Variants in SLC39A11 observed in about 807,000 individuals in gnomAD.
SLC39A11 encodes the protein zinc transporter ZIP11.
SLC39A11 carries 33 observed loss-of-function variants against 36.1 expected under a neutral mutation model. The observed-to-expected ratio is 0.91, with a 90% confidence interval of 0.69 to 1.22. The LOEUF is 1.22. Among genes scored for constraint, SLC39A11 ranks in the 50% most tolerant of loss-of-function variants. The pLI is 0.00. For synonymous variants in SLC39A11, 166 were observed against 170.3 expected, an observed-to-expected ratio of 0.97 and a Z score of 0.20; for missense variants, 432 against 430.3, an observed-to-expected ratio of 1.00 and a Z score of -0.03.
intron 5 of SLC39A11, among the ~76,000 whole-genome samples, chr17:72,851,585 T>A (rs1031135409): frequency 6.6e-6 from 1 of 152,224 alleles, no homozygotes; most frequent in Non-Finnish European, 1.5e-5. Flanking sequence ...ACTTAGTATG[T>A]ATACAAATGA....
At chr17:72,727,953 C>T (rs1306291245) in intron 7 of SLC39A11, among the ~76,000 whole-genome samples, 3 of 152,236 alleles carry the variant, frequency 2.0e-5, no homozygotes, top group Non-Finnish European at 2.9e-5. Flanking sequence ...GAACTGAAGA[C>T]AGTGCCTTCT....
In SLC39A11 at chr17:72,963,931, C is replaced by A. The variant is rs141262827; in HGVS notation, c.307-16056G>T. 1.5e-3 allele frequency among the ~76,000 whole-genome samples: 222 copies of A among 152,268 alleles called. 1 individual carries two copies. The highest frequency in any genetic ancestry group is 5.0e-3 in the African/African-American group (207 of 41,546). Reference sequence around the variant, plus strand: ...AAATAACAACTACATGATAATGAATCCAGCCTAGATTATATTCATCCTTAT... The same window carrying A: ...AAATAACAACTACATGATAATGAATACAGCCTAGATTATATTCATCCTTAT... On this transcript the variant is annotated intron_variant, in intron 4 of 9. Transcript: ENST00000255559.
At position 72,756,041 on chromosome 17, in the gene SLC39A11, A is replaced by C. The variant is rs111429651; in HGVS notation, c.602-19322T>G. ...TAGGATGTCTACTCTCGAGAAAACA[A>C]AAACATAACAGTGTTGGCAAGGATG... On this transcript the variant is annotated intron_variant, in intron 6 of 9. Transcript: ENST00000255559. Among the ~76,000 whole-genome samples the C allele has an allele frequency of 7.3e-3, 1,116 of 152,354 alleles. 14 individuals are homozygous for C. The highest frequency in any genetic ancestry group is 0.025 in the African/African-American group (1,046 of 41,572).
At chr17:73,055,580 T>C (rs969303746) in intron 3 of SLC39A11, among the ~76,000 whole-genome samples, 17 of 151,890 alleles carry the variant, frequency 1.1e-4, no homozygotes, top group African/African-American at 2.9e-4. Context: ...GACAGGCACA[T>C]TGCCACCATG....
intron 3 of SLC39A11, among the ~76,000 whole-genome samples, chr17:73,066,849 C>T (rs186421057): frequency 2.6e-5 from 4 of 152,252 alleles, no homozygotes; most frequent in African/African-American, 7.2e-5. Flanking sequence ...TAGACCAATA[C>T]ATTTTATTTC....
intron 7 of SLC39A11, among the ~76,000 whole-genome samples, chr17:72,684,147 T>TGATTATCC (rs1447554966): frequency 5.3e-5 from 8 of 152,150 alleles, no homozygotes; most frequent in Non-Finnish European, 1.2e-4. Flanking sequence ...CAGTTTACGA[T>TGATTATCC]GATTATCCGT....
intron 3 of SLC39A11, among the ~76,000 whole-genome samples, chr17:73,067,257 AG>A (rs1433553237): frequency 4.6e-5 from 7 of 152,216 alleles, no homozygotes; most frequent in Admixed American, 3.9e-4. Flanking sequence ...CAGCTACCTT[AG>A]GTCATATGAA....
In SLC39A11 at chr17:72,871,625, T is replaced by C. The variant is rs527959447; in HGVS notation, c.431-21821A>G. 5.9e-5 allele frequency among the ~76,000 whole-genome samples: 9 copies of C among 152,206 alleles called. No individual in the cohort carries two copies. In the East Asian group the frequency reaches 1.5e-3, roughly 26 times the overall value. On this transcript the variant is annotated intron_variant, in intron 5 of 9. Transcript: ENST00000255559. ...CCCAGAAGGACGGGGTTCAGAGAGTTTCCTGGTGGCTGGACATGTGGGGTG... is the reference window on the plus strand; with the variant it reads ...CCCAGAAGGACGGGGTTCAGAGAGTCTCCTGGTGGCTGGACATGTGGGGTG...
At position 72,942,306 on chromosome 17, in the gene SLC39A11, G is replaced by A. The variant is rs529120070; in HGVS notation, c.430+5446C>T. Among the ~76,000 whole-genome samples the A allele has an allele frequency of 2.0e-5, 3 of 152,132 alleles. No homozygotes were observed. The East Asian group carries it at 5.8e-4, about 29-fold the overall frequency. On this transcript the variant is annotated intron_variant, in intron 5 of 9. Transcript: ENST00000255559. The stretch of plus-strand genomic sequence containing the variant: ...AATTGGGCCAGGACAAGATTTTAAA[G>A]TCTCCCCTAACCAAGCAGGTACAGG...
chr17:73,088,749 T>C lies in SLC39A11; in HGVS notation c.16A>G (p.Ser6Gly), dbSNP rs1399681801. MLQGH[S>G]SVFQALLGTF... Reference sequence around the variant, plus strand: ...CCCAGCAAGGCCTGGAACACAGAGCTGTGGCCTTGGAGCATGCTGGATACA... The same window carrying C: ...CCCAGCAAGGCCTGGAACACAGAGCCGTGGCCTTGGAGCATGCTGGATACA... Residue 6 changes from serine to glycine, a missense_variant, in exon 2 of 10, where the codon AGC becomes GGC. Coordinates refer to ENST00000255559, the MANE Select transcript of SLC39A11 (RefSeq NM_139177.4). 6.2e-7 allele frequency: 1 copy of C among 1,607,214 alleles called. No homozygotes were observed. Among genetic ancestry groups the C allele is most frequent in the Middle Eastern group, 1.7e-4 (1 of 6,054 alleles).
chr17:72,701,701 C>T (rs1429092028), intron 7 of SLC39A11, among the ~76,000 whole-genome samples: 1 of 123,018 alleles, frequency 8.1e-6, no homozygotes, highest in Non-Finnish European at 1.6e-5. Context: ...GTACTCCAGC[C>T]TGGGAGACAG....
intron 4 of SLC39A11, among the ~76,000 whole-genome samples, chr17:72,961,887 TAAG>T (rs2086638120): frequency 6.6e-6 from 1 of 151,938 alleles, no homozygotes; most frequent in South Asian, 2.1e-4. Context: ...TAAAGTATAA[TAAG>T]AAAAAAAAGA....
At chr17:72,926,499 T>C (rs1314623302) in intron 5 of SLC39A11, among the ~76,000 whole-genome samples, 1 of 150,522 alleles carries the variant, frequency 6.6e-6, no homozygotes, top group Non-Finnish European at 1.5e-5. Context: ...TTGCTTTGAA[T>C]GTTTTGGGGG....
Position 72,752,808 on chromosome 17 carries a change from G to A in SLC39A11, c.602-16089C>T, listed in dbSNP as rs112306073. Among the ~76,000 whole-genome samples the A allele has an allele frequency of 9.5e-3, 1,440 of 152,178 alleles. 22 individuals are homozygous for A. Among genetic ancestry groups the A allele is most frequent in the African/African-American group, 0.031 (1,288 of 41,504 alleles). ...TGTATTTAAGAAGACTTTTCTCTCT[G>A]GAAGCTCTCAACAATTTCATCTTTG... On this transcript the variant is annotated intron_variant, in intron 6 of 9. Transcript: ENST00000255559.
intron 7 of SLC39A11, among the ~76,000 whole-genome samples, chr17:72,700,265 T>C (rs2072548153): frequency 6.6e-6 from 1 of 152,248 alleles, no homozygotes; most frequent in African/African-American, 2.4e-5. Context: ...TATTTTTTAA[T>C]AGTTTTCCAT....
chr17:72,736,807 T>A lies in SLC39A11; in HGVS notation c.602-88A>T. On this transcript the variant is annotated intron_variant, in intron 6 of 9. Coordinates refer to ENST00000255559, the MANE Select transcript of SLC39A11 (RefSeq NM_139177.4). ...TCACTGTCACTGCATTAAGTAGGAC[T>A]GCATGAGGCTGCCAGTCAAAGAAAA... 7 of 1,036,898 alleles carry A rather than the reference T, an allele frequency of 6.8e-6. No individual in the cohort carries two copies. In the Admixed American group the frequency reaches 1.0e-4, roughly 15 times the overall value. 64.2% of individuals were successfully genotyped at this position (1,036,898 alleles called of 1,614,324 possible). A position where few individuals can be genotyped will look rare whatever the true frequency, so the allele number is the denominator to read the frequency against.
intron 1 of SLC39A11, among the ~76,000 whole-genome samples, chr17:73,090,517 A>G (rs1054166525): frequency 1.3e-5 from 2 of 152,230 alleles, no homozygotes; most frequent in South Asian, 2.1e-4. Flanking sequence ...CATTACACCA[A>G]TCATCTATTC....
chr17:72,818,420 C>G (rs990808597), intron 6 of SLC39A11, among the ~76,000 whole-genome samples: 2 of 152,146 alleles, frequency 1.3e-5, no homozygotes, highest in African/African-American at 4.8e-5. Flanking sequence ...GATGAAGTAG[C>G]TTGTTCCGAG....
chr17:73,069,097 C>A (rs1303881692), intron 3 of SLC39A11, among the ~76,000 whole-genome samples: 1 of 152,168 alleles, frequency 6.6e-6, no homozygotes, highest in African/African-American at 2.4e-5. Context: ...TCTGTTCCCT[C>A]TGCCTGTAAC....
Sources: allele counts gnomAD v4.1 joint callset (sites outside exome capture counted in the v4.1 genomes callset), GRCh38; gene constraint gnomAD v4.1.1; transcripts MANE v1.5; gene names NCBI Gene and HGNC (gene_info 2026-07-23, HGNC 2026-07-21).